The following TNFRSF12A variants were observed in gnomAD, a reference collection of about 807,000 sequenced individuals.
The protein encoded by TNFRSF12A is TNF receptor superfamily member 12A.
A neutral mutation model predicts 15.5 loss-of-function variants in TNFRSF12A; 13 were observed. That is an observed-to-expected ratio of 0.84 (90% confidence interval 0.54 to 1.33). The LOEUF is 1.33. Ranked by LOEUF, TNFRSF12A falls within the 40% of genes most tolerant of loss-of-function variation. The pLI is 0.00. For synonymous variants in TNFRSF12A, 89 were observed against 78.4 expected (o/e 1.14, Z -0.71); for missense variants, 174 against 173.6 (o/e 1.00, Z -0.01).
chr16:3,021,078 G>A (rs1465161156), intron 1 of TNFRSF12A, 137 bp from the exon 2 acceptor site: 2 of 501,326 alleles, frequency 4.0e-6, no homozygotes, highest in Admixed American at 4.1e-5. Flanking sequence ...TGTCCCGGTC[G>A]GGCCGTGCGG....
chr16:3,021,302 G>A lies in TNFRSF12A; in HGVS notation c.182G>A (p.Ser61Asn). ...DCASCRARPH[S>N]DFCLGCAAAP... is the part of the protein sequence containing the mutation. ...GCGTCTTGCAGGGCGCGACCGCACA[G>A]CGACTTCTGCCTGGGCTGTGAGTGG... Residue 61 changes from serine to asparagine, a missense_variant, in exon 2 of 4, where the codon AGC (serine) becomes AAC (asparagine). By Grantham distance (46) the Ser-to-Asn change is conservative. Transcript: ENST00000326577. 1 of 1,584,852 alleles carries A rather than the reference G, an allele frequency of 6.3e-7. No individual in the cohort carries two copies. The highest frequency in any genetic ancestry group is 8.5e-7 in the Non-Finnish European group (1 of 1,171,230).
chr16:3,021,182 C>T (rs767177258), intron 1 of TNFRSF12A, 33 bp from the exon 2 acceptor site: 10 of 1,222,878 alleles, frequency 8.2e-6, no homozygotes, highest in East Asian at 5.1e-5. Context: ...CCGAGTCCCG[C>T]CCCCAGCCTC....
Position 3,022,169 on chromosome 16 carries a change from T to G in TNFRSF12A, c.*343T>G. Reference sequence around the variant, plus strand: ...CTGACTTGGGGGGCAGACTTGACACTAGGCCCCACTCACTCAGATGTCCTG... The same window carrying G: ...CTGACTTGGGGGGCAGACTTGACACGAGGCCCCACTCACTCAGATGTCCTG... On this transcript the variant is annotated 3_prime_UTR_variant, in exon 4 of 4. Transcript: ENST00000326577. The G allele has an allele frequency of 2.3e-6, 1 of 426,152 alleles. No homozygotes were observed. The highest frequency in any genetic ancestry group is 6.4e-5 in the South Asian group (1 of 15,514). 26.4% of individuals were successfully genotyped at this position (426,152 alleles called of 1,614,324 possible).
In TNFRSF12A at chr16:3,021,819, T is replaced by C. The variant is rs750904337; in HGVS notation, c.383T>C (p.Ile128Thr). ...GAGGGCTGCCCAGCTGTGGCGCTGATCCAGTGACAATGTGCCCCCTGCCAG... is the reference window on the plus strand; with the variant it reads ...GAGGGCTGCCCAGCTGTGGCGCTGACCCAGTGACAATGTGCCCCCTGCCAG... ...GGEGCPAVAL[I>T]Q is the part of the protein sequence containing the mutation. The change falls in exon 4 of 4, where the codon ATC (isoleucine) becomes ACC (threonine). Residue 128 changes from isoleucine (I) to threonine (T), a missense_variant. Ile to Thr is a moderately conservative substitution (Grantham distance 89, BLOSUM62 -1). Coordinates refer to ENST00000326577, the MANE Select transcript of TNFRSF12A (RefSeq NM_016639.3). 1 of 1,612,926 alleles carries C rather than the reference T, an allele frequency of 6.2e-7. No individual in the cohort carries two copies. The highest frequency in any genetic ancestry group is 8.5e-7 in the Non-Finnish European group (1 of 1,179,688).
At position 3,021,211 on chromosome 16, in the gene TNFRSF12A, C is replaced by G; in HGVS notation, c.95-4C>G. The G allele has an allele frequency of 6.4e-7, 1 of 1,563,598 alleles. No homozygotes were observed. On this transcript the variant is annotated splice_polypyrimidine_tract_variant and splice_region_variant and intron_variant, in intron 1 of 3. Transcript: ENST00000326577. The stretch of plus-strand genomic sequence containing the variant: ...CAGCCTCTGACCCGAGGCCCCCTCC[C>G]CAGGCACCGCCCCCTGCTCCCGCGG...
chr16:3,021,082 C>T, intron 1 of TNFRSF12A, 133 bp from the exon 2 acceptor site: 1 of 516,694 alleles, frequency 1.9e-6, no homozygotes. Context: ...CCGGTCGGGC[C>T]GTGCGGTCAC....
Position 3,021,653 on chromosome 16 carries a change from G to C in TNFRSF12A, c.298G>C (p.Val100Leu). ...FVLGLLSGFL[V>L]WRRCRRREKF... The stretch of plus-strand genomic sequence containing the variant: ...GCTGGGGCTGCTTTCTGGCTTTTTG[G>C]TCTGGAGACGATGCCGCAGGAGAGA... Residue 100 changes from valine to leucine, a missense_variant, in exon 3 of 4, where the codon GTC (valine) becomes CTC (leucine). Transcript: ENST00000326577. 1.2e-6 allele frequency: 2 copies of C among 1,613,792 alleles called. No homozygotes were observed. The highest frequency in any genetic ancestry group is 1.7e-6 in the Non-Finnish European group (2 of 1,179,986).
At chr16:3,021,341 T>C in intron 2 of TNFRSF12A, 22 bp downstream of exon 2, 1 of 1,541,040 alleles carries the variant, frequency 6.5e-7, no homozygotes, top group Non-Finnish European at 8.7e-7. Context: ...GCAGGGCCAG[T>C]GGCCAGCGGA....
At chr16:3,021,434 G>A in intron 2 of TNFRSF12A, 115 bp downstream of exon 2, 2 of 1,419,240 alleles carry the variant, frequency 1.4e-6, no homozygotes, top group Non-Finnish European at 1.9e-6. Flanking sequence ...GAGGAGGTGG[G>A]AGCTGGGAGG....
At position 3,021,796 on chromosome 16, in the gene TNFRSF12A, G is replaced by A; in HGVS notation, c.360G>A (p.Glu120=). The A allele has an allele frequency of 6.2e-7, 1 of 1,613,260 alleles. No homozygotes were observed. The highest frequency in any genetic ancestry group is 8.5e-7 in the Non-Finnish European group (1 of 1,179,754). The change falls in exon 4 of 4, where the codon GAG becomes GAA. Residue 120 remains glutamate (E), a synonymous_variant. Transcript: ENST00000326577. ...FTTPIEETGG[E]GCPAVALIQ Reference sequence around the variant, plus strand: ...CCCCCATAGAGGAGACCGGCGGAGAGGGCTGCCCAGCTGTGGCGCTGATCC... The same window carrying A: ...CCCCCATAGAGGAGACCGGCGGAGAAGGCTGCCCAGCTGTGGCGCTGATCC...
Position 3,022,113 on chromosome 16 carries a change from G to A in TNFRSF12A, c.*287G>A, listed in dbSNP as rs577469148. The A allele has an allele frequency of 8.9e-6, 4 of 447,752 alleles. No individual in the cohort carries two copies. Among genetic ancestry groups the A allele is most frequent in the Admixed American group, 4.3e-5 (1 of 23,472 alleles). 27.7% of individuals were successfully genotyped at this position (447,752 alleles called of 1,614,324 possible). A position where few individuals can be genotyped will look rare whatever the true frequency, so the allele number is the denominator to read the frequency against. ...CAGCATTTGCACAGGGGAGGGGGGT[G>A]CCCTCCTTCCTAGAGGCCCTGGGGG... On this transcript the variant is annotated 3_prime_UTR_variant, in exon 4 of 4. Transcript: ENST00000326577.
At position 3,021,324 on chromosome 16, in the gene TNFRSF12A, G is replaced by GT; in HGVS notation, c.199+6dup. ...ACAGCGACTTCTGCCTGGGCTGTGA[G>GT]TGGGGGGCAGGGCCAGTGGCCAGCG... On this transcript the variant is annotated splice_donor_region_variant and intron_variant, in intron 2 of 3. Coordinates refer to ENST00000326577, the MANE Select transcript of TNFRSF12A (RefSeq NM_016639.3). 6.4e-7 allele frequency: 1 copy of GT among 1,570,504 alleles called. No homozygotes were observed. Among genetic ancestry groups the GT allele is most frequent in the Non-Finnish European group, 8.6e-7 (1 of 1,165,000 alleles).
Position 3,022,184 on chromosome 16 carries a change from C to T in TNFRSF12A, c.*358C>T. ...GACTTGACACTAGGCCCCACTCACT[C>T]AGATGTCCTGAAATTCCACCACGGG... On this transcript the variant is annotated 3_prime_UTR_variant, in exon 4 of 4. Transcript: ENST00000326577. 2.4e-6 allele frequency: 1 copy of T among 412,724 alleles called. No homozygotes were observed. Among genetic ancestry groups the T allele is most frequent in the Non-Finnish European group, 4.3e-6 (1 of 234,254 alleles). The allele number at this position is 412,724 out of a possible 1,614,324, so 25.6% of individuals were successfully genotyped here.
intron 2 of TNFRSF12A, 64 bp from the exon 3 acceptor site, chr16:3,021,491 T>C (rs930801497): frequency 1.8e-5 from 27 of 1,481,900 alleles, no homozygotes; most frequent in Non-Finnish European, 2.4e-5. Flanking sequence ...GGCAGAAGGC[T>C]CAGTCTTAGG....
Position 3,021,326 on chromosome 16 carries a change from G to C in TNFRSF12A, c.199+7G>C, listed in dbSNP as rs370247223. On this transcript the variant is annotated splice_region_variant and intron_variant, in intron 2 of 3. Transcript: ENST00000326577. ...AGCGACTTCTGCCTGGGCTGTGAGT[G>C]GGGGGCAGGGCCAGTGGCCAGCGGA... The C allele has an allele frequency of 5.1e-6, 8 of 1,567,340 alleles. No individual in the cohort carries two copies. In the African/African-American group the frequency reaches 6.8e-5, roughly 13 times the overall value.
In TNFRSF12A at chr16:3,021,273, C is replaced by A; in HGVS notation, c.153C>A (p.Asp51Glu). Residue 51 changes from aspartate to glutamate, a missense_variant, in exon 2 of 4, where the codon GAC (aspartate) becomes GAA (glutamate). Transcript: ENST00000326577. The part of the protein sequence containing the change: ...SWSADLDKCM[D>E]CASCRARPHS... ...GCGCGGACCTGGACAAGTGCATGGA[C>A]TGCGCGTCTTGCAGGGCGCGACCGC... 6.3e-7 allele frequency: 1 copy of A among 1,592,964 alleles called. No individual in the cohort carries two copies. The highest frequency in any genetic ancestry group is 8.5e-7 in the Non-Finnish European group (1 of 1,174,590).
intron 2 of TNFRSF12A, 73 bp downstream of exon 2, chr16:3,021,392 G>A (rs2072609940): frequency 5.5e-6 from 8 of 1,441,758 alleles, no homozygotes; most frequent in Non-Finnish European, 7.4e-6. Context: ...GCAGAGCGGG[G>A]CCGAGAGCTT....
rs1427362742 is a variant in TNFRSF12A, at chr16:3,022,373, T to C, written c.*547T>C. ...GGAGAATTTATTAATAAAAGAATCTTTAACTTTAAATGGTTTGGAGAGGCA... is the reference window on the plus strand; with the variant it reads ...GGAGAATTTATTAATAAAAGAATCTCTAACTTTAAATGGTTTGGAGAGGCA... On this transcript the variant is annotated 3_prime_UTR_variant, in exon 4 of 4. Transcript: ENST00000326577. 5.6e-6 allele frequency: 1 copy of C among 177,942 alleles called. No individual in the cohort carries two copies. Among genetic ancestry groups the C allele is most frequent in the Non-Finnish European group, 1.2e-5 (1 of 85,658 alleles). The allele number at this position is 177,942 out of a possible 1,614,324, so 11.0% of individuals were successfully genotyped here.
intron 1 of TNFRSF12A, 94 bp downstream of exon 1, chr16:3,020,585 G>A: frequency 2.1e-6 from 2 of 945,988 alleles, no homozygotes. Flanking sequence ...GGAACAGGCG[G>A]ATGTGGGGAT....
Sources: allele counts gnomAD v4.1 joint callset, GRCh38; gene constraint gnomAD v4.1.1; transcripts MANE v1.5; gene names NCBI Gene and HGNC (gene_info 2026-07-23, HGNC 2026-07-21).